Variants in INSC observed in about 807,000 individuals in gnomAD.
INSC encodes protein inscuteable homolog.
A neutral mutation model predicts 58.6 loss-of-function variants in INSC; 67 were observed. The ratio of observed to expected loss-of-function variants is 1.14; its 90% confidence interval spans 0.94 to 1.40. The LOEUF (loss-of-function observed/expected upper bound fraction) is 1.40. Ranked by LOEUF, INSC falls within the 40% of genes most tolerant of loss-of-function variation. The pLI, the probability that INSC is intolerant of heterozygous loss-of-function variation, is 0.00. For missense variants in INSC, 714 were observed against 692.0 expected (o/e 1.03, Z -0.36); for synonymous variants, 262 against 276.1 (o/e 0.95, Z 0.51).
chr11:15,223,680 AG>A (rs1257701998), intron 8 of INSC, among the ~76,000 whole-genome samples: 1 of 152,214 alleles, frequency 6.6e-6, no homozygotes, highest in Non-Finnish European at 1.5e-5. Flanking sequence ...TGGGCCACTG[AG>A]CTCTGCAGAC....
At chr11:15,265,239 A>G in the INSC span, among the ~76,000 whole-genome samples, 4 of 152,116 alleles carry the variant, frequency 2.6e-5, no homozygotes, top group African/African-American at 4.8e-5. Context: ...CTTATTGCGA[A>G]GAATGTACTT....
At chr11:15,249,235 A>T (rs1207247987), downstream of INSC, among the ~76,000 whole-genome samples, 1 of 152,206 alleles carries the variant, frequency 6.6e-6, no homozygotes, top group Non-Finnish European at 1.5e-5. Context: ...TAAGGTTAGG[A>T]TGGGGCCAAA....
chr11:15,230,957 G>T (rs890061675), intron 9 of INSC, among the ~76,000 whole-genome samples: 1 of 152,158 alleles, frequency 6.6e-6, no homozygotes, highest in African/African-American at 2.4e-5. Flanking sequence ...CCAGAGAGAA[G>T]AAGCCATCTG....
intron 7 of INSC, among the ~76,000 whole-genome samples, chr11:15,215,919 C>T (rs1257205267): frequency 2.6e-5 from 4 of 152,148 alleles, no homozygotes; most frequent in Non-Finnish European, 4.4e-5. Flanking sequence ...AAAATGACCA[C>T]TTCAGCTTTA....
chr11:15,235,622 C>T lies in INSC; in HGVS notation c.1191C>T (p.Asn397=), dbSNP rs1564921041. ...TCCAGATTGTGACCATCTTGGCAAACATGTCTGTCCTAGAACAGTGTGCCT... is the reference window on the plus strand; with the variant it reads ...TCCAGATTGTGACCATCTTGGCAAATATGTCTGTCCTAGAACAGTGTGCCT... ...TRDQIVTILA[N]MSVLEQCASD... The change falls in exon 10 of 13, where the codon AAC becomes AAT. Residue 397 remains asparagine (N), a synonymous_variant. Coordinates refer to ENST00000379556, the MANE Select transcript of INSC (RefSeq NM_001042536.3). 6.2e-7 allele frequency: 1 copy of T among 1,613,984 alleles called. No individual in the cohort carries two copies. Among genetic ancestry groups the T allele is most frequent in the Non-Finnish European group, 8.5e-7 (1 of 1,179,840 alleles).
chr11:15,156,740 C>T (rs1564874140), intron 2 of INSC, among the ~76,000 whole-genome samples: 2 of 152,210 alleles, frequency 1.3e-5, no homozygotes, highest in Non-Finnish European at 2.9e-5. Context: ...AGGCCTGGAG[C>T]AGAAGGTTCT....
At chr11:15,114,514 G>C (rs900538937), upstream of INSC, among the ~76,000 whole-genome samples, 2 of 152,174 alleles carry the variant, frequency 1.3e-5, no homozygotes, top group African/African-American at 4.8e-5. Flanking sequence ...CAAGGGAAAC[G>C]ATCGCGGCAC....
rs563470288 is a variant in INSC at position 15,126,281 on chromosome 11, C to T, written c.-46+11278C>T. On this transcript the variant is annotated intron_variant, in intron 1 of 12. Transcript: ENST00000379556. ...AGCAGGAATGCTGAGGCTAGGAGTA[C>T]TTCTGGGGCAGCTCCTAGATGCAAT... Among the ~76,000 whole-genome samples, 3 of 152,310 alleles carry T rather than the reference C, an allele frequency of 2.0e-5. No individual in the cohort carries two copies. The South Asian group carries it at 6.2e-4, about 32-fold the overall frequency.
chr11:15,253,294 A>G, the INSC span, among the ~76,000 whole-genome samples: 1 of 152,168 alleles, frequency 6.6e-6, no homozygotes, highest in Non-Finnish European at 1.5e-5. Context: ...TAAGTTGTAG[A>G]AAAGAATAAG....
At chr11:15,256,235 A>G in the INSC span, among the ~76,000 whole-genome samples, 5 of 152,224 alleles carry the variant, frequency 3.3e-5, no homozygotes, top group Non-Finnish European at 5.9e-5. Flanking sequence ...GAATCCATGC[A>G]TGACTTGAGG....
intron 1 of INSC, among the ~76,000 whole-genome samples, chr11:15,146,426 A>G (rs996752980): frequency 3.9e-5 from 6 of 152,216 alleles, no homozygotes; most frequent in African/African-American, 1.4e-4. Context: ...TAGGGCAGTG[A>G]TGCATATGCA....
the INSC span, among the ~76,000 whole-genome samples, chr11:15,253,389 G>T: frequency 2.0e-4 from 30 of 152,268 alleles, no homozygotes; most frequent in South Asian, 6.0e-3. Context: ...TCCGACGTAA[G>T]ATCCTTCATG....
rs1046834022 is a variant in INSC, at chr11:15,116,869, C to T, written c.-46+1866C>T. On this transcript the variant is annotated intron_variant, in intron 1 of 12. Coordinates refer to ENST00000379556, the MANE Select transcript of INSC (RefSeq NM_001042536.3). ...TCTTTCTCTCTCTCTCTCTCTCTCT[C>T]TCTCTCTCCCCCTCCCTCCCTCCCT... Among the ~76,000 whole-genome samples the T allele has an allele frequency of 2.9e-3, 183 of 63,088 alleles. 4 individuals carry two copies. The highest frequency in any genetic ancestry group is 0.01 in the African/African-American group (132 of 12,752). 41.4% of individuals were successfully genotyped at this position (63,088 alleles called of 152,430 possible).
Position 15,221,555 on chromosome 11 carries a change from G to C in INSC, c.898G>C (p.Val300Leu). ...GGCCACACGGGCTGAGGCTGCGGCT[G>C]TGGTGGCCCAGGTCACCTCCCCACA... ...SEATRAEAAA[V>L]VAQVTSPHLP... The change falls in exon 8 of 13, where the codon GTG becomes CTG. Residue 300 changes from valine (V) to leucine (L), a missense_variant. By Grantham distance (32) the Val-to-Leu change is conservative. Coordinates refer to ENST00000379556, the MANE Select transcript of INSC (RefSeq NM_001042536.3). 1 of 1,614,108 alleles carries C rather than the reference G, an allele frequency of 6.2e-7. No individual in the cohort carries two copies. Among genetic ancestry groups the C allele is most frequent in the Non-Finnish European group, 8.5e-7 (1 of 1,180,000 alleles).
At position 15,221,009 on chromosome 11, in the gene INSC, A is replaced by G. The variant is rs554106277; in HGVS notation, c.820-468A>G. Among the ~76,000 whole-genome samples, 27 of 152,336 alleles carry G rather than the reference A, an allele frequency of 1.8e-4. 1 individual carries two copies. The South Asian group carries it at 5.4e-3, about 30-fold the overall frequency. On this transcript the variant is annotated intron_variant, in intron 7 of 12. Coordinates refer to ENST00000379556, the MANE Select transcript of INSC (RefSeq NM_001042536.3). ...CCTGAGCATCTCTTCTAGATCAGGC[A>G]TTGCCTGCTTTATCTCTTCAATCCC... is the stretch of plus-strand genomic sequence containing the variant.
chr11:15,204,935 A>T (rs556082944), intron 7 of INSC, among the ~76,000 whole-genome samples: 1 of 152,256 alleles, frequency 6.6e-6, no homozygotes, highest in South Asian at 2.1e-4. Context: ...GTGGGTCTAG[A>T]CAGGTCACTG....
chr11:15,187,907 G>A (rs1169599912), intron 5 of INSC, among the ~76,000 whole-genome samples: 1 of 152,176 alleles, frequency 6.6e-6, no homozygotes, highest in Non-Finnish European at 1.5e-5. Context: ...GACTGTGTCA[G>A]TTTGAGGCCG....
intron 5 of INSC, among the ~76,000 whole-genome samples, chr11:15,179,580 T>A (rs1849689610): frequency 6.6e-6 from 1 of 152,102 alleles, no homozygotes. Context: ...CAGGCCCCCA[T>A]GTCAGTGCAG....
At chr11:15,226,205 G>A (rs1002166993) in intron 9 of INSC, among the ~76,000 whole-genome samples, 4 of 152,068 alleles carry the variant, frequency 2.6e-5, no homozygotes, top group African/African-American at 7.2e-5. Flanking sequence ...CCCATGGAAG[G>A]TGCCTAGACC....
Sources: allele counts gnomAD v4.1 joint callset (sites outside exome capture counted in the v4.1 genomes callset), GRCh38; gene constraint gnomAD v4.1.1; transcripts MANE v1.5; gene names NCBI Gene and HGNC (gene_info 2026-07-23, HGNC 2026-07-21).